The following CTNNA3 variants were observed in gnomAD, a reference collection of about 807,000 sequenced individuals.
The protein encoded by CTNNA3 is catenin alpha-3.
Under a neutral mutation model 95.7 loss-of-function variants are expected in CTNNA3, and 76 were observed. The ratio of observed to expected loss-of-function variants is 0.79; its 90% CI spans 0.66 to 0.96. The LOEUF is 0.96. Among genes scored for constraint, CTNNA3 ranks in the 40% least tolerant of loss-of-function variants. The probability of loss-of-function intolerance (pLI) is 0.00; values close to 1 mark genes in which losing one functional copy is unlikely to be tolerated. For synonymous variants in CTNNA3, 431 were observed against 374.4 expected (o/e 1.15, Z -1.74); for missense variants, 1,191 against 1,089.8 (o/e 1.09, Z -1.31).
rs1841237798 is a variant in CTNNA3 at position 67,727,117 on chromosome 10, G to GATACATATATT, written c.-2+36316_-2+36317insAATATATGTAT. Among the ~76,000 whole-genome samples the GATACATATATT allele has an allele frequency of 2.9e-5, 3 of 104,102 alleles. 1 individual carries two copies. The highest frequency in any genetic ancestry group is 5.4e-5 in the Non-Finnish European group (3 of 55,282). 68.3% of individuals were successfully genotyped at this position (104,102 alleles called of 152,430 possible). On this transcript the variant is annotated intron_variant, in intron 1 of 17. Transcript: ENST00000684154. ...TATATATAATATATGATACATATAT[G>GATACATATATT]ATATAATTATATAATATATGATACA...
chr10:67,140,784 A>C (rs955861124), intron 7 of CTNNA3, among the ~76,000 whole-genome samples: 8 of 152,176 alleles, frequency 5.3e-5, no homozygotes, highest in Non-Finnish European at 1.2e-4. Context: ...TGAAGGGGGA[A>C]ATACCAGTTC....
intron 15 of CTNNA3, among the ~76,000 whole-genome samples, chr10:66,046,252 G>A (rs528201680): frequency 6.6e-6 from 1 of 152,132 alleles, no homozygotes; most frequent in African/African-American, 2.4e-5. Context: ...TAACCTTCAG[G>A]TCAGGAGATC....
At chr10:67,762,668 A>G (rs1030599931) in intron 1 of CTNNA3, among the ~76,000 whole-genome samples, 1 of 152,224 alleles carries the variant, frequency 6.6e-6, no homozygotes, top group Non-Finnish European at 1.5e-5. Context: ...ATATTGTCTC[A>G]TGCCCAATTT....
intron 5 of CTNNA3, among the ~76,000 whole-genome samples, chr10:67,356,619 A>T (rs1201423709): frequency 6.6e-6 from 1 of 151,794 alleles, no homozygotes; most frequent in East Asian, 1.9e-4. Context: ...CTCAACTCCA[A>T]GTATCCAGTT....
intron 7 of CTNNA3, among the ~76,000 whole-genome samples, chr10:66,977,205 G>A (rs1399492235): frequency 2.6e-5 from 4 of 152,046 alleles, no homozygotes; most frequent in African/African-American, 7.2e-5. Flanking sequence ...TTGGGAGGCC[G>A]AGGCAGGTGG....
At chr10:66,251,419 T>C (rs1214875569) in intron 13 of CTNNA3, among the ~76,000 whole-genome samples, 2 of 152,226 alleles carry the variant, frequency 1.3e-5, no homozygotes, top group East Asian at 3.8e-4. Flanking sequence ...TTAGTCATTT[T>C]ATCAGTTTCC....
At chr10:66,540,053 C>T (rs140830207) in intron 10 of CTNNA3, among the ~76,000 whole-genome samples, 1 of 151,996 alleles carries the variant, frequency 6.6e-6, no homozygotes, top group Non-Finnish European at 1.5e-5. Context: ...TTTGTTATCA[C>T]CAAACATTAT....
intron 13 of CTNNA3, among the ~76,000 whole-genome samples, chr10:66,202,050 G>T (rs565861494): frequency 6.6e-6 from 1 of 152,020 alleles, no homozygotes; most frequent in Non-Finnish European, 1.5e-5. Context: ...GCCTCCCAAA[G>T]TGCTGGGATT....
At chr10:66,863,604 G>A (rs1218279618) in intron 7 of CTNNA3, among the ~76,000 whole-genome samples, 2 of 148,086 alleles carry the variant, frequency 1.4e-5, no homozygotes, top group Admixed American at 6.7e-5. Context: ...AAAACTGGAG[G>A]AATAGAGTTT....
At chr10:66,416,539 ATTT>A (rs35923793) in intron 11 of CTNNA3, among the ~76,000 whole-genome samples, 6 of 132,374 alleles carry the variant, frequency 4.5e-5, no homozygotes, top group African/African-American at 1.8e-4. Flanking sequence ...AAAATAGAGA[ATTT>A]TTTTTTTTAA....
intron 9 of CTNNA3, among the ~76,000 whole-genome samples, chr10:66,680,722 T>C (rs1259598586): frequency 2.6e-5 from 4 of 152,146 alleles, no homozygotes; most frequent in Non-Finnish European, 4.4e-5. Context: ...AAAGGATACT[T>C]AGGAATGATT....
chr10:67,653,865 G>T (rs1047495216), intron 1 of CTNNA3, among the ~76,000 whole-genome samples: 6 of 152,042 alleles, frequency 3.9e-5, no homozygotes, highest in Non-Finnish European at 5.9e-5. Flanking sequence ...CCTACCCAGG[G>T]TAGCCAGTGT....
At chr10:66,256,085 G>A (rs1269578002) in intron 13 of CTNNA3, among the ~76,000 whole-genome samples, 4 of 152,156 alleles carry the variant, frequency 2.6e-5, no homozygotes, top group Admixed American at 1.3e-4. Context: ...CCAGACAGAG[G>A]CAGGGGCAGG....
At chr10:67,046,354 A>T (rs1564852653) in intron 7 of CTNNA3, among the ~76,000 whole-genome samples, 1 of 152,216 alleles carries the variant, frequency 6.6e-6, no homozygotes. Context: ...ATGAGCACAG[A>T]TGTGAGCGAA....
At chr10:67,512,315 T>C (rs984769443) in intron 5 of CTNNA3, among the ~76,000 whole-genome samples, 1 of 152,064 alleles carries the variant, frequency 6.6e-6, no homozygotes, top group African/African-American at 2.4e-5. Flanking sequence ...CTATGAACAG[T>C]AGTATGAAGG....
intron 11 of CTNNA3, among the ~76,000 whole-genome samples, chr10:66,485,933 A>G (rs991113165): frequency 2.0e-5 from 3 of 152,204 alleles, no homozygotes; most frequent in Non-Finnish European, 2.9e-5. Context: ...ATGCATTTAC[A>G]GTCAATTGAC....
intron 13 of CTNNA3, among the ~76,000 whole-genome samples, chr10:66,132,477 AT>A (rs922347935): frequency 6.6e-6 from 1 of 152,160 alleles, no homozygotes; most frequent in African/African-American, 2.4e-5. Context: ...TAGTTCAACC[AT>A]TGTGGAAGAT....
intron 7 of CTNNA3, among the ~76,000 whole-genome samples, chr10:67,067,298 C>CATTTT (rs1316385625): frequency 1.9e-5 from 2 of 102,596 alleles, no homozygotes; most frequent in Non-Finnish European, 4.1e-5. Flanking sequence ...ATTCAGTAAC[C>CATTTT]ACTTTAATAC....
chr10:67,114,482 A>T (rs1248578802), intron 7 of CTNNA3, among the ~76,000 whole-genome samples: 1 of 152,054 alleles, frequency 6.6e-6, no homozygotes, highest in Non-Finnish European at 1.5e-5. Context: ...GTCCACACAA[A>T]ATGTATTTAT....
Sources: allele counts gnomAD v4.1 joint callset (sites outside exome capture counted in the v4.1 genomes callset), GRCh38; gene constraint gnomAD v4.1.1; transcripts MANE v1.5; gene names NCBI Gene and HGNC (gene_info 2026-07-23, HGNC 2026-07-21).